GSE1: variants seen among roughly 807,000 people sequenced by gnomAD.
GSE1 encodes Gse1 coiled-coil protein, also known as genetic suppressor element 1.
A neutral mutation model predicts 112.6 loss-of-function variants in GSE1; 32 were observed. The observed-to-expected ratio is 0.28, with a 90% CI of 0.21 to 0.38. The LOEUF is 0.38. Ranked by LOEUF, GSE1 falls within the 10% of genes least tolerant of loss-of-function variation. GSE1 has a pLI of 1.00. For synonymous variants in GSE1, 1,115 were observed against 735.6 expected (o/e 1.52, Z -8.35); for missense variants, 2,348 against 1,699.2 (o/e 1.38, Z -6.71).
In GSE1 at chr16:85,373,815, G is replaced by A. The variant is rs370082264; in HGVS notation, c.2464+16172G>A. ...AGGCAGCCCAGGGCAGGGTGATTGT[G>A]CTCCTGCCCCACGGTGCCCCACGGT... On this transcript the variant is annotated intron_variant, in intron 2 of 2. Coordinates refer to the GSE1 transcript ENST00000637419. This position sits in a 1 kb window ranked among gnomAD's most constrained non-coding sequence, Gnocchi z 5.1. 8.5e-5 allele frequency among the ~76,000 whole-genome samples: 13 copies of A among 152,284 alleles called. No individual in the cohort carries two copies. The East Asian group carries it at 2.1e-3, about 25-fold the overall frequency.
At chr16:85,649,921 G>T (rs1248617593) in intron 3 of GSE1, among the ~76,000 whole-genome samples, 1 of 152,154 alleles carries the variant, frequency 6.6e-6, no homozygotes, top group Non-Finnish European at 1.5e-5. Flanking sequence ...CAGTCCACAG[G>T]TGACAGCCCC....
intron 1 of GSE1, among the ~76,000 whole-genome samples, chr16:85,328,581 G>C (rs1453163881): frequency 6.6e-6 from 1 of 152,220 alleles, no homozygotes; most frequent in Non-Finnish European, 1.5e-5. Flanking sequence ...CAGAGAGGCA[G>C]AGCCATTTAT....
intron 1 of GSE1, among the ~76,000 whole-genome samples, chr16:85,628,841 T>TA (rs1218641730): frequency 2.0e-5 from 3 of 152,222 alleles, no homozygotes; most frequent in Admixed American, 2.0e-4. Context: ...ATCTGGGGTC[T>TA]GGTCTGGGAC....
intron 1 of GSE1, among the ~76,000 whole-genome samples, chr16:85,614,218 G>A (rs1432924298): frequency 1.3e-5 from 2 of 151,256 alleles, no homozygotes; most frequent in South Asian, 2.1e-4. Context: ...GCGCCTCCCC[G>A]CCCCCAGCCC....
chr16:85,605,772 G>A (rs2047678839), intron 1 of GSE1, among the ~76,000 whole-genome samples: 1 of 151,994 alleles, frequency 6.6e-6, no homozygotes, highest in Admixed American at 6.5e-5. Context: ...AGAGGTAAGT[G>A]GTAGAGAGGG....
chr16:85,464,153 C>T (rs1356227454), intron 2 of GSE1, among the ~76,000 whole-genome samples: 2 of 152,182 alleles, frequency 1.3e-5, no homozygotes, highest in African/African-American at 4.8e-5. Context: ...CTGTGTGCAC[C>T]TCTCTGCCTG....
intron 2 of GSE1, among the ~76,000 whole-genome samples, chr16:85,434,485 A>G (rs1489050391): frequency 6.6e-6 from 1 of 152,180 alleles, no homozygotes; most frequent in Non-Finnish European, 1.5e-5. Flanking sequence ...ATTGAGGCAC[A>G]AAGAGGTTGA....
At chr16:85,538,964 C>A (rs2044425943) in intron 2 of GSE1, among the ~76,000 whole-genome samples, 1 of 152,184 alleles carries the variant, frequency 6.6e-6, no homozygotes. Flanking sequence ...GTGGGTCTGC[C>A]ACTGACTCTG....
intron 2 of GSE1, among the ~76,000 whole-genome samples, chr16:85,634,534 C>T (rs1252915047): frequency 1.3e-5 from 2 of 152,202 alleles, no homozygotes; most frequent in African/African-American, 2.4e-5. Context: ...TTTTGACACT[C>T]CCTCCAGAAG....
chr16:85,256,196 C>G (rs1057063873), intron 1 of GSE1, among the ~76,000 whole-genome samples: 1 of 151,476 alleles, frequency 6.6e-6, no homozygotes, highest in Non-Finnish European at 1.5e-5. Context: ...CAGGCAGACT[C>G]GGACAGCACC....
At chr16:85,414,107 G>A (rs754580577) in intron 2 of GSE1, among the ~76,000 whole-genome samples, 3 of 152,136 alleles carry the variant, frequency 2.0e-5, no homozygotes, top group Non-Finnish European at 2.9e-5. Flanking sequence ...GTGTGAGAAC[G>A]GACTAACACA....
At chr16:85,435,306 C>A (rs1320997341) in intron 2 of GSE1, among the ~76,000 whole-genome samples, 1 of 151,372 alleles carries the variant, frequency 6.6e-6, no homozygotes, top group Non-Finnish European at 1.5e-5. Flanking sequence ...TGCCCTCCCA[C>A]CACCCCCTCC....
intron 2 of GSE1, among the ~76,000 whole-genome samples, chr16:85,470,874 C>G (rs1482097424): frequency 6.6e-6 from 1 of 152,164 alleles, no homozygotes; most frequent in Non-Finnish European, 1.5e-5. Context: ...AGCAGAGAGC[C>G]CAAACAGAAC....
At chr16:85,398,880 G>A (rs914784856) in intron 2 of GSE1, among the ~76,000 whole-genome samples, 2 of 152,050 alleles carry the variant, frequency 1.3e-5, no homozygotes, top group East Asian at 1.9e-4. Flanking sequence ...AGTGCGCACC[G>A]ACATGTGTGG....
chr16:85,578,432 G>T (rs910151449), intron 1 of GSE1, among the ~76,000 whole-genome samples: 1 of 152,170 alleles, frequency 6.6e-6, no homozygotes, highest in Non-Finnish European at 1.5e-5. Flanking sequence ...TTCACATGTG[G>T]GGCAGCTAAG....
chr16:85,379,508 T>G (rs1025484157), intron 2 of GSE1, among the ~76,000 whole-genome samples: 3 of 152,180 alleles, frequency 2.0e-5, no homozygotes, highest in Non-Finnish European at 4.4e-5. Flanking sequence ...GGTGCTTCCA[T>G]GTATTGGTTC....
intron 1 of GSE1, among the ~76,000 whole-genome samples, chr16:85,340,232 C>A (rs1053024813): frequency 2.0e-5 from 3 of 152,136 alleles, no homozygotes; most frequent in Non-Finnish European, 4.4e-5. Flanking sequence ...TGTCTGTGGT[C>A]CCAGTTACCT....
chr16:85,342,493 T>A (rs1379455099), intron 1 of GSE1, among the ~76,000 whole-genome samples: 2 of 152,100 alleles, frequency 1.3e-5, no homozygotes, highest in African/African-American at 4.8e-5. Flanking sequence ...TGGCCCACGC[T>A]TGAGCTGAGA....
rs776035756 is a variant in GSE1, at chr16:85,657,288, G to C, written c.1324G>C (p.Asp442His). 2.9e-5 allele frequency: 45 copies of C among 1,554,304 alleles called. No individual in the cohort carries two copies. Among genetic ancestry groups the C allele is most frequent in the Non-Finnish European group, 3.8e-5 (44 of 1,150,472 alleles). ...GTTTCCCCCCACAGAGAAGCTGAAGGATGCCGGCCTGCAGGCGCCCAAGCC... is the reference window on the plus strand; with the variant it reads ...GTTTCCCCCCACAGAGAAGCTGAAGCATGCCGGCCTGCAGGCGCCCAAGCC... ...LTPTRAEKLK[D>H]AGLQAPKPVQ... The change falls in exon 8 of 16, where the codon GAT becomes CAT. Residue 442 changes from aspartate (D) to histidine (H), a missense_variant. By Grantham distance (81) the Asp-to-His change is moderately conservative. Transcript: ENST00000253458.
Sources: allele counts gnomAD v4.1 joint callset (sites outside exome capture counted in the v4.1 genomes callset), GRCh38; gene constraint gnomAD v4.1.1; non-coding constraint Gnocchi (gnomAD v3.1); transcripts MANE v1.5; gene names NCBI Gene and HGNC (gene_info 2026-07-23, HGNC 2026-07-21).